Variants in PXDNL observed in about 807,000 individuals in gnomAD.
PXDNL encodes the protein peroxidasin like, also known as probable oxidoreductase PXDNL.
A neutral mutation model predicts 150.8 loss-of-function variants in PXDNL; 145 were observed. That is an observed-to-expected ratio of 0.96 (90% CI 0.84 to 1.10). PXDNL has a LOEUF of 1.10. Ranked by LOEUF, PXDNL falls within the 50% of genes least tolerant of loss-of-function variation. PXDNL has a pLI of 0.00. For missense variants in PXDNL, 2,087 were observed against 1,873.9 expected (o/e 1.11, Z -2.10); for synonymous variants, 757 against 725.7 (o/e 1.04, Z -0.69).
chr8:51,596,484 C>T lies in PXDNL; in HGVS notation c.237-3786G>A, dbSNP rs186943975. Among the ~76,000 whole-genome samples, 270 of 152,294 alleles carry T rather than the reference C, an allele frequency of 1.8e-3. 2 individuals carry two copies. The highest frequency in any genetic ancestry group is 6.0e-3 in the African/African-American group (249 of 41,558). On this transcript the variant is annotated intron_variant, in intron 2 of 22. Coordinates refer to ENST00000356297, the MANE Select transcript of PXDNL (RefSeq NM_144651.5). ...TTTGAGCAATCTCCAACCTGCTTTC[C>T]ACAGTGGCTGAACTAATTTACTTTC...
chr8:51,522,732 T>C, intron 4 of PXDNL, among the ~76,000 whole-genome samples: 1 of 152,060 alleles, frequency 6.6e-6, no homozygotes, highest in Non-Finnish European at 1.5e-5. Flanking sequence ...TAATCCCAGC[T>C]ACTAGGGAGG....
chr8:51,610,529 G>T (rs1335376927), intron 2 of PXDNL, among the ~76,000 whole-genome samples: 1 of 152,080 alleles, frequency 6.6e-6, no homozygotes, highest in African/African-American at 2.4e-5. Context: ...AGGGAGGAGG[G>T]TGAGTATATT....
At chr8:51,514,149 G>T (rs1199482815) in intron 4 of PXDNL, among the ~76,000 whole-genome samples, 1 of 152,212 alleles carries the variant, frequency 6.6e-6, no homozygotes, top group Admixed American at 6.5e-5. Context: ...TATTTGCATT[G>T]CATTGAGAAT....
Position 51,503,597 on chromosome 8 carries a change from A to G in PXDNL, c.381-3827T>C, listed in dbSNP as rs933862624. 9.6e-4 allele frequency among the ~76,000 whole-genome samples: 146 copies of G among 152,178 alleles called. 1 individual carries two copies. Among genetic ancestry groups the G allele is most frequent in the Non-Finnish European group, 3.1e-4 (21 of 68,028 alleles). Reference sequence around the variant, plus strand: ...TTTCTAGGCTGTGGATAACCCTGCCATTTTTGGATATCTATTGCAGGTAGA... The same window carrying G: ...TTTCTAGGCTGTGGATAACCCTGCCGTTTTTGGATATCTATTGCAGGTAGA... On this transcript the variant is annotated intron_variant, in intron 4 of 22. Transcript: ENST00000356297.
intron 1 of PXDNL, among the ~76,000 whole-genome samples, chr8:51,791,357 T>C (rs1444820062): frequency 6.6e-6 from 1 of 152,226 alleles, no homozygotes; most frequent in Non-Finnish European, 1.5e-5. Flanking sequence ...GTAGTCCAAA[T>C]TGGCCAGGAC....
chr8:51,490,639 T>C (rs973276066), intron 5 of PXDNL, among the ~76,000 whole-genome samples: 1 of 145,598 alleles, frequency 6.9e-6, no homozygotes, highest in African/African-American at 2.6e-5. Flanking sequence ...TATATATACA[T>C]ATATATACAT....
At chr8:51,494,313 C>A (rs1484702409) in intron 5 of PXDNL, among the ~76,000 whole-genome samples, 2 of 151,968 alleles carry the variant, frequency 1.3e-5, no homozygotes, top group African/African-American at 4.8e-5. Context: ...CCGGCACCAC[C>A]CACTGCAAAA....
chr8:51,502,585 C>T (rs563852792), intron 4 of PXDNL, among the ~76,000 whole-genome samples: 2 of 152,036 alleles, frequency 1.3e-5, no homozygotes, highest in African/African-American at 2.4e-5. Flanking sequence ...AGTCACGAGC[C>T]GGGTCTGTGG....
intron 10 of PXDNL, among the ~76,000 whole-genome samples, chr8:51,449,401 T>C (rs566865437): frequency 1.3e-5 from 2 of 152,220 alleles, no homozygotes; most frequent in Non-Finnish European, 2.9e-5. Context: ...TTGAATCATA[T>C]TGGTTATCAT....
chr8:51,640,676 T>C (rs375062024), intron 2 of PXDNL, among the ~76,000 whole-genome samples: 1 of 152,160 alleles, frequency 6.6e-6, no homozygotes, highest in Non-Finnish European at 1.5e-5. Context: ...CAAGGAGAAC[T>C]ACAAAACACT....
intron 17 of PXDNL, among the ~76,000 whole-genome samples, chr8:51,389,178 C>T (rs1807817614): frequency 6.6e-6 from 1 of 152,092 alleles, no homozygotes; most frequent in African/African-American, 2.4e-5. Flanking sequence ...CTGTATGCAC[C>T]AGGTCGTAAA....
chr8:51,389,395 GT>G (rs779958982), intron 17 of PXDNL, among the ~76,000 whole-genome samples: 21 of 152,124 alleles, frequency 1.4e-4, no homozygotes, highest in Non-Finnish European at 2.9e-4. Flanking sequence ...GGTCCCTGAT[GT>G]TTACTTGAGA....
At chr8:51,442,631 T>A (rs1179117434) in intron 12 of PXDNL, among the ~76,000 whole-genome samples, 2 of 151,960 alleles carry the variant, frequency 1.3e-5, no homozygotes, top group East Asian at 3.8e-4. Flanking sequence ...TGATTCTTCT[T>A]CCTAAATCTA....
intron 1 of PXDNL, among the ~76,000 whole-genome samples, chr8:51,805,966 T>C (rs1312821468): frequency 6.6e-6 from 1 of 152,236 alleles, no homozygotes; most frequent in Non-Finnish European, 1.5e-5. Flanking sequence ...TTTTTTTGTT[T>C]GCAAATTCTA....
chr8:51,648,483 A>G (rs953834166), intron 2 of PXDNL, among the ~76,000 whole-genome samples: 1 of 152,216 alleles, frequency 6.6e-6, no homozygotes. Flanking sequence ...CCTGGATGCT[A>G]AAAGAGGCAA....
rs150420566 is a variant in PXDNL, at chr8:51,425,868, G to A, written c.1638+778C>T. On this transcript the variant is annotated intron_variant, in intron 13 of 22. Transcript: ENST00000356297. ...TCAGACTACTGAGAGGACATGAACCGAAAGACACCTAAACTTACTCTTCAT... is the reference window on the plus strand; with the variant it reads ...TCAGACTACTGAGAGGACATGAACCAAAAGACACCTAAACTTACTCTTCAT... Among the ~76,000 whole-genome samples the A allele has an allele frequency of 6.0e-3, 912 of 151,868 alleles. 3 individuals carry two copies. Among genetic ancestry groups the A allele is most frequent in the African/African-American group, 0.02 (840 of 41,458 alleles).
chr8:51,656,818 A>C (rs1275707230), intron 1 of PXDNL, among the ~76,000 whole-genome samples: 1 of 152,166 alleles, frequency 6.6e-6, no homozygotes, highest in Non-Finnish European at 1.5e-5. Context: ...ATATAAAAAC[A>C]CATTGTAGAT....
chr8:51,804,503 T>C lies in PXDNL; in HGVS notation c.164+4678A>G, dbSNP rs148843678. Among the ~76,000 whole-genome samples the C allele has an allele frequency of 3.3e-5, 5 of 152,302 alleles. No homozygotes were observed. The East Asian group carries it at 9.7e-4, about 29-fold the overall frequency. ...CCATCTAGTTGACAAACGAGGACAT[T>C]CACCATCCCTTTTTACTCCATAAAT... On this transcript the variant is annotated intron_variant, in intron 1 of 22. Transcript: ENST00000356297.
chr8:51,770,358 T>C (rs948194141), intron 1 of PXDNL, among the ~76,000 whole-genome samples: 3 of 152,196 alleles, frequency 2.0e-5, no homozygotes, highest in Non-Finnish European at 4.4e-5. Context: ...AAAAAGACAG[T>C]CTTGGCCTTC....
Sources: allele counts gnomAD v4.1 joint callset (sites outside exome capture counted in the v4.1 genomes callset), GRCh38; gene constraint gnomAD v4.1.1; transcripts MANE v1.5; gene names NCBI Gene and HGNC (gene_info 2026-07-23, HGNC 2026-07-21).